The following PTPRT variants were observed in gnomAD, a reference collection of about 807,000 sequenced individuals.
PTPRT encodes the protein receptor-type tyrosine-protein phosphatase T.
Under a neutral mutation model 176.8 loss-of-function variants are expected in PTPRT, and 56 were observed. The ratio of observed to expected loss-of-function variants is 0.32; its 90% CI spans 0.26 to 0.40. The LOEUF (loss-of-function observed/expected upper bound fraction) is 0.40. PTPRT is among the 10% of genes least tolerant of loss of function. The pLI is 1.00. For missense variants in PTPRT, 1,540 were observed against 1,908.2 expected, an observed-to-expected ratio of 0.81 and a Z score of 3.60; for synonymous variants, 783 against 739.0, an observed-to-expected ratio of 1.06 and a Z score of -0.96.
intron 6 of PTPRT, among the ~76,000 whole-genome samples, chr20:42,750,667 T>A (rs935258963): frequency 6.6e-6 from 1 of 152,174 alleles, no homozygotes; most frequent in African/African-American, 2.4e-5. Flanking sequence ...GGTTGTTAAA[T>A]GGAGTTGAAA....
At chr20:42,989,387 G>A (rs1044170915) in intron 1 of PTPRT, among the ~76,000 whole-genome samples, 8 of 152,222 alleles carry the variant, frequency 5.3e-5, no homozygotes, top group South Asian at 2.1e-4. Context: ...TAGCACTGCC[G>A]TGGTTTGGGA....
At chr20:42,220,711 T>C (rs1346857606) in intron 15 of PTPRT, among the ~76,000 whole-genome samples, 2 of 152,194 alleles carry the variant, frequency 1.3e-5, no homozygotes, top group Non-Finnish European at 2.9e-5. Flanking sequence ...CTGCTATAAC[T>C]AAATTGGAAT....
At chr20:42,331,534 A>G (rs1374672531) in intron 11 of PTPRT, among the ~76,000 whole-genome samples, 1 of 152,232 alleles carries the variant, frequency 6.6e-6, no homozygotes, top group Non-Finnish European at 1.5e-5. Context: ...TAATCGTAAT[A>G]GCAGGCATAC....
chr20:42,667,550 G>C (rs958182909), intron 7 of PTPRT, among the ~76,000 whole-genome samples: 1 of 152,116 alleles, frequency 6.6e-6, no homozygotes, highest in African/African-American at 2.4e-5. Flanking sequence ...AAAATCCAGA[G>C]AGCTTGATAA....
In PTPRT at chr20:42,080,521, C is replaced by T. The variant is rs567367643; in HGVS notation, c.*358G>A. The T allele has an allele frequency of 4.1e-5, 11 of 268,996 alleles. No homozygotes were observed. Among genetic ancestry groups the T allele is most frequent in the East Asian group, 5.7e-5 (1 of 17,656 alleles). 16.7% of individuals were successfully genotyped at this position (268,996 alleles called of 1,614,324 possible). ...AGAAGGAGGGCAGGGGAGCCTCCCA[C>T]TCCCCAGCACCTGCACAGTTGGCTT... On this transcript the variant is annotated 3_prime_UTR_variant, in exon 31 of 31. Coordinates refer to ENST00000373187, the MANE Select transcript of PTPRT (RefSeq NM_007050.6).
chr20:42,995,055 G>A (rs183976570), intron 1 of PTPRT, among the ~76,000 whole-genome samples: 80 of 152,296 alleles, frequency 5.3e-4, no homozygotes, highest in Non-Finnish European at 8.2e-4. Context: ...ATCCTAATCT[G>A]CTTATAAAAG....
intron 2 of PTPRT, among the ~76,000 whole-genome samples, chr20:42,883,877 CAT>C (rs2079060520): frequency 7.5e-5 from 11 of 145,902 alleles, no homozygotes; most frequent in East Asian, 2.0e-4. Flanking sequence ...TGCATACACA[CAT>C]ACACCAATAC....
At chr20:42,318,397 T>C (rs1484738984) in intron 11 of PTPRT, among the ~76,000 whole-genome samples, 1 of 152,136 alleles carries the variant, frequency 6.6e-6, no homozygotes, top group Non-Finnish European at 1.5e-5. Context: ...TAAATAACAA[T>C]ATATTCAGGT....
At chr20:42,178,181 C>G (rs1225771987) in intron 16 of PTPRT, among the ~76,000 whole-genome samples, 1 of 152,122 alleles carries the variant, frequency 6.6e-6, no homozygotes, top group Non-Finnish European at 1.5e-5. Flanking sequence ...TGTGATCCAC[C>G]CACCTCGGCC....
chr20:42,694,040 C>A (rs13433278), intron 6 of PTPRT, among the ~76,000 whole-genome samples: 391 of 138,444 alleles, frequency 2.8e-3, no homozygotes, highest in Non-Finnish European at 3.8e-3. Context: ...ATTTTATTTT[C>A]TTTTTTTTTT....
the PTPRT span, among the ~76,000 whole-genome samples, chr20:42,059,738 A>G: frequency 2.6e-5 from 4 of 152,266 alleles, no homozygotes; most frequent in South Asian, 8.3e-4. Context: ...GGGGTACACA[A>G]AGGAAGTAAT....
At chr20:42,999,221 T>G (rs931598838) in intron 1 of PTPRT, among the ~76,000 whole-genome samples, 1 of 152,106 alleles carries the variant, frequency 6.6e-6, no homozygotes, top group Non-Finnish European at 1.5e-5. Context: ...GCTTTCAAAC[T>G]GCACATATAG....
At chr20:42,063,416 G>A in the PTPRT span, 2 of 152,164 alleles carry the variant, frequency 1.3e-5, no homozygotes, top group African/African-American at 4.8e-5. Context: ...GGGGTGATTA[G>A]TGATGGCTGA....
At chr20:42,062,797 G>A in the PTPRT span, among the ~76,000 whole-genome samples, 3 of 152,140 alleles carry the variant, frequency 2.0e-5, no homozygotes, top group Admixed American at 6.5e-5. Context: ...CCTCACTCCA[G>A]TCCTGAAAAC....
chr20:42,392,944 G>A (rs560589404), intron 9 of PTPRT, among the ~76,000 whole-genome samples: 5 of 152,152 alleles, frequency 3.3e-5, no homozygotes, highest in Non-Finnish European at 7.4e-5. Flanking sequence ...CCCAAAGAAA[G>A]AGGAAAATCT....
At chr20:42,420,379 T>C (rs896898889) in intron 9 of PTPRT, among the ~76,000 whole-genome samples, 4 of 152,158 alleles carry the variant, frequency 2.6e-5, no homozygotes, top group Admixed American at 6.5e-5. Flanking sequence ...ATTCTGGCCG[T>C]GCACCACTTC....
intron 2 of PTPRT, among the ~76,000 whole-genome samples, chr20:42,876,656 G>A (rs2078936522): frequency 6.6e-6 from 1 of 151,802 alleles, no homozygotes; most frequent in South Asian, 2.1e-4. Flanking sequence ...CAAAGCAAGT[G>A]GCAGCCCCTT....
At chr20:42,919,921 C>A (rs905826708) in intron 1 of PTPRT, among the ~76,000 whole-genome samples, 1 of 152,190 alleles carries the variant, frequency 6.6e-6, no homozygotes, top group African/African-American at 2.4e-5. Context: ...TTGGACAATA[C>A]GCACTTCCCA....
intron 2 of PTPRT, among the ~76,000 whole-genome samples, chr20:42,838,917 G>T (rs1288416645): frequency 6.6e-6 from 1 of 152,098 alleles, no homozygotes; most frequent in Non-Finnish European, 1.5e-5. Context: ...CTTGGGCTTG[G>T]GATGATGAGA....
Sources: allele counts gnomAD v4.1 joint callset (sites outside exome capture counted in the v4.1 genomes callset), GRCh38; gene constraint gnomAD v4.1.1; transcripts MANE v1.5; gene names NCBI Gene and HGNC (gene_info 2026-07-23, HGNC 2026-07-21).